Variants in ODF2L observed in about 807,000 individuals in gnomAD.
The protein encoded by ODF2L is outer dense fiber of sperm tails 2 like, also known as protein BCAP.
A neutral mutation model predicts 86.3 loss-of-function variants in ODF2L; 76 were observed. The observed-to-expected ratio is 0.88, with a 90% CI of 0.73 to 1.07. The LOEUF (loss-of-function observed/expected upper bound fraction) is 1.07. Ranked by LOEUF, ODF2L falls within the 50% of genes least tolerant of loss-of-function variation. The pLI is 0.00. For missense variants in ODF2L, 748 were observed against 717.4 expected, an observed-to-expected ratio of 1.04 and a Z score of -0.49; for synonymous variants, 241 against 231.3, an observed-to-expected ratio of 1.04 and a Z score of -0.38.
exon 9 of ODF2L, chr1:86,372,431 T>G: frequency 7.6e-7 from 1 of 1,323,086 alleles, no homozygotes; most frequent in Non-Finnish European, 1.0e-6. Context: ...TTTTTCTTAC[T>G]TTTTCATTGT....
chr1:86,348,749 T>C (rs770008545), downstream of ODF2L: 1 of 1,477,176 alleles, frequency 6.8e-7, no homozygotes, highest in South Asian at 1.5e-5. Flanking sequence ...AATTTGACAA[T>C]TTATTCAAAC....
At chr1:86,350,977 T>C (rs1301651638) in exon 18 of ODF2L, 2 of 152,220 alleles carry the variant, frequency 1.3e-5, no homozygotes, top group East Asian at 1.9e-4. Context: ...AAGTTCTTTG[T>C]AGATTCTGGA....
chr1:86,358,330 T>C (rs1212213887), intron 13 of ODF2L: 1 of 151,760 alleles, frequency 6.6e-6, no homozygotes, highest in East Asian at 1.9e-4. Context: ...CTTCATTCTG[T>C]TGCAATAGAA....
chr1:86,369,331 G>C (rs1048080916), intron 10 of ODF2L, among the ~76,000 whole-genome samples: 4 of 152,114 alleles, frequency 2.6e-5, no homozygotes, highest in Non-Finnish European at 5.9e-5. Context: ...TTAACAAAAA[G>C]TAGCCGAAAT....
exon 3 of ODF2L, chr1:86,385,508 A>G (rs1397720583): frequency 2.5e-6 from 4 of 1,603,220 alleles, no homozygotes; most frequent in African/African-American, 1.3e-5. Flanking sequence ...GGCAAAAGCA[A>G]TTCTACAGAA....
chr1:86,385,632 T>C, intron 2 of ODF2L, 42 bp from the exon 3 acceptor site: 1 of 1,505,498 alleles, frequency 6.6e-7, no homozygotes, highest in Non-Finnish European at 9.2e-7. Context: ...TAAATCCATT[T>C]CATTTAAAGA....
At chr1:86,393,375 T>A (rs1661464275) in intron 1 of ODF2L, among the ~76,000 whole-genome samples, 1 of 136,104 alleles carries the variant, frequency 7.3e-6, no homozygotes. Flanking sequence ...ACTAGAGAGG[T>A]AATTGTATGA....
intron 1 of ODF2L, among the ~76,000 whole-genome samples, chr1:86,393,304 A>G (rs1412259909): frequency 3.3e-5 from 5 of 152,304 alleles, no homozygotes; most frequent in South Asian, 2.1e-4. Context: ...CAAGGAACAC[A>G]AAGTAGATAC....
chr1:86,385,702 G>T, intron 2 of ODF2L, 112 bp from the exon 3 acceptor site: 1 of 688,302 alleles, frequency 1.5e-6, no homozygotes, highest in Non-Finnish European at 2.4e-6. Context: ...ACAACTTTTA[G>T]TTCAAAAGTA....
At chr1:86,380,462 C>T (rs543291851) in intron 7 of ODF2L, among the ~76,000 whole-genome samples, 7 of 152,206 alleles carry the variant, frequency 4.6e-5, no homozygotes, top group Non-Finnish European at 8.8e-5. Flanking sequence ...AAAGTCCACA[C>T]GGTGTCATCA....
intron 8 of ODF2L, among the ~76,000 whole-genome samples, chr1:86,373,268 T>C (rs1659934113): frequency 6.6e-6 from 1 of 151,590 alleles, no homozygotes; most frequent in Non-Finnish European, 1.5e-5. Context: ...TAAGATAATT[T>C]CTTTTCTTTT....
At chr1:86,350,424 G>A (rs985888462) in exon 18 of ODF2L, 1 of 152,174 alleles carries the variant, frequency 6.6e-6, no homozygotes, top group African/African-American at 2.4e-5. Context: ...CCCTGCAAAG[G>A]ACATGAACTC....
downstream of ODF2L, chr1:86,348,848 C>T (rs772190719): frequency 1.9e-6 from 3 of 1,556,588 alleles, no homozygotes; most frequent in Non-Finnish European, 2.6e-6. Context: ...TTTTGTACTT[C>T]TTTCAAACAC....
chr1:86,376,378 C>G (rs1409558072), exon 8 of ODF2L: 1 of 1,605,782 alleles, frequency 6.2e-7, no homozygotes. Context: ...CTTATTCATT[C>G]TTGATTGCAG....
chr1:86,382,290 T>A (rs1257861140), exon 7 of ODF2L: 1 of 1,612,388 alleles, frequency 6.2e-7, no homozygotes, highest in Non-Finnish European at 8.5e-7. Flanking sequence ...TTTTATGAAT[T>A]TGGATCTGTA....
At chr1:86,386,208 T>C (rs1660943137) in intron 2 of ODF2L, 1 of 152,184 alleles carries the variant, frequency 6.6e-6, no homozygotes, top group African/African-American at 2.4e-5. Flanking sequence ...AAATAACAAG[T>C]GTATTCCCCA....
chr1:86,369,782 G>A (rs972597214), intron 10 of ODF2L, among the ~76,000 whole-genome samples: 10 of 152,028 alleles, frequency 6.6e-5, no homozygotes, highest in African/African-American at 2.4e-4. Flanking sequence ...GACCTACAAT[G>A]GATAAAATTC....
At chr1:86,379,704 A>G (rs140839399) in intron 7 of ODF2L, among the ~76,000 whole-genome samples, 180 of 152,340 alleles carry the variant, frequency 1.2e-3, no homozygotes, top group African/African-American at 4.3e-3. Context: ...CTGACACTAG[A>G]GTTACATTAA....
chr1:86,371,031 T>C, exon 10 of ODF2L: 1 of 1,569,870 alleles, frequency 6.4e-7, no homozygotes, highest in Non-Finnish European at 8.6e-7. Flanking sequence ...TAATTTTGTA[T>C]TCTCAAGATT....
Sources: allele counts gnomAD v4.1 joint callset (sites outside exome capture counted in the v4.1 genomes callset), GRCh38; gene constraint gnomAD v4.1.1; transcripts MANE v1.5; gene names NCBI Gene and HGNC (gene_info 2026-07-23, HGNC 2026-07-21).